The following KCNB2 variants were observed in gnomAD, a reference collection of about 807,000 sequenced individuals.
The protein encoded by KCNB2 is delayed rectifier potassium channel protein.
KCNB2 carries 15 observed loss-of-function variants against 61.5 expected under a neutral mutation model. The observed-to-expected ratio is 0.24, with a 90% confidence interval of 0.16 to 0.38. The LOEUF (loss-of-function observed/expected upper bound fraction) is 0.38. KCNB2 is among the 10% of genes least tolerant of loss of function. The probability of loss-of-function intolerance (pLI) is 1.00; values close to 1 mark genes in which losing one functional copy is unlikely to be tolerated. For missense variants in KCNB2, 828 were observed against 1,125.2 expected, an observed-to-expected ratio of 0.74 and a Z score of 3.78; for synonymous variants, 457 against 446.0, an observed-to-expected ratio of 1.02 and a Z score of -0.31.
chr8:72,860,866 A>G (rs559871089), intron 2 of KCNB2, among the ~76,000 whole-genome samples: 2 of 152,340 alleles, frequency 1.3e-5, no homozygotes, highest in South Asian at 4.1e-4. Flanking sequence ...AAAGTTTCCA[A>G]TTTACACAGA....
intron 2 of KCNB2, among the ~76,000 whole-genome samples, chr8:72,912,695 G>A (rs896664110): frequency 2.0e-4 from 31 of 152,044 alleles, no homozygotes; most frequent in Admixed American, 9.2e-4. Context: ...AAACTGAAGT[G>A]CAAAATGAGT....
chr8:72,560,616 G>A (rs949494651), intron 1 of KCNB2, among the ~76,000 whole-genome samples: 10 of 152,160 alleles, frequency 6.6e-5, no homozygotes, highest in Non-Finnish European at 1.0e-4. Context: ...TTGGACGCCA[G>A]TGTAAAGGGC....
chr8:72,924,816 C>A (rs1428370630), intron 2 of KCNB2, among the ~76,000 whole-genome samples: 1 of 152,142 alleles, frequency 6.6e-6, no homozygotes, highest in Non-Finnish European at 1.5e-5. Flanking sequence ...GGAAGAACAC[C>A]TGTCATGCTT....
At chr8:72,792,450 G>A (rs1563386609) in intron 2 of KCNB2, among the ~76,000 whole-genome samples, 1 of 152,090 alleles carries the variant, frequency 6.6e-6, no homozygotes, top group Non-Finnish European at 1.5e-5. Context: ...GATTTCTCTT[G>A]TTAGGAATAT....
At chr8:72,626,268 G>A (rs7341553) in intron 2 of KCNB2, among the ~76,000 whole-genome samples, 1 of 152,162 alleles carries the variant, frequency 6.6e-6, no homozygotes, top group Admixed American at 6.5e-5. Flanking sequence ...GTCCACCCTA[G>A]GCCCAGTGTC....
At chr8:72,741,372 C>A (rs1807955867) in intron 2 of KCNB2, among the ~76,000 whole-genome samples, 1 of 152,118 alleles carries the variant, frequency 6.6e-6, no homozygotes, top group African/African-American at 2.4e-5. Flanking sequence ...TTCTTTACTG[C>A]CCAGGTAGAA....
intron 2 of KCNB2, among the ~76,000 whole-genome samples, chr8:72,601,275 C>T (rs187203432): frequency 1.1e-3 from 166 of 152,194 alleles, no homozygotes; most frequent in African/African-American, 3.7e-3. Flanking sequence ...TAATAATAAG[C>T]ATTTTTTTCA....
intron 2 of KCNB2, among the ~76,000 whole-genome samples, chr8:72,618,491 TTTAG>T (rs1278498212): frequency 6.6e-6 from 1 of 152,170 alleles, no homozygotes; most frequent in African/African-American, 2.4e-5. Context: ...GTGAAAGAAT[TTTAG>T]TTACTCATTT....
At chr8:72,725,601 A>ATGTATGTGTG (rs1554587084) in intron 2 of KCNB2, among the ~76,000 whole-genome samples, 8 of 100,252 alleles carry the variant, frequency 8.0e-5, no homozygotes, top group Admixed American at 2.4e-4. Flanking sequence ...GTATATATAT[A>ATGTATGTGTG]TATATATATA....
At chr8:72,550,389 A>G (rs1474949170) in intron 1 of KCNB2, among the ~76,000 whole-genome samples, 1 of 152,198 alleles carries the variant, frequency 6.6e-6, no homozygotes, top group African/African-American at 2.4e-5. Flanking sequence ...GAGGTTATGC[A>G]AACTTAGTCC....
intron 1 of KCNB2, among the ~76,000 whole-genome samples, chr8:72,541,339 C>T (rs1172613942): frequency 6.6e-6 from 1 of 152,020 alleles, no homozygotes; most frequent in Non-Finnish European, 1.5e-5. Context: ...ATATTATTTT[C>T]ATTCTTACAA....
chr8:72,645,663 A>G (rs1226030338), intron 2 of KCNB2, among the ~76,000 whole-genome samples: 1 of 152,158 alleles, frequency 6.6e-6, no homozygotes, highest in African/African-American at 2.4e-5. Context: ...CTATCAGCTA[A>G]AGTGCCTGGT....
At chr8:72,804,146 G>T (rs1393449419) in intron 2 of KCNB2, among the ~76,000 whole-genome samples, 1 of 152,138 alleles carries the variant, frequency 6.6e-6, no homozygotes, top group Non-Finnish European at 1.5e-5. Flanking sequence ...AAACAAAAGG[G>T]CAGTTTCTGT....
intron 2 of KCNB2, among the ~76,000 whole-genome samples, chr8:72,607,741 A>G (rs898889861): frequency 6.6e-6 from 1 of 152,174 alleles, no homozygotes; most frequent in Non-Finnish European, 1.5e-5. Context: ...TTTAGAAAAA[A>G]TTTTATTTGT....
chr8:72,671,229 C>T (rs1028824190), intron 2 of KCNB2, among the ~76,000 whole-genome samples: 9 of 152,302 alleles, frequency 5.9e-5, no homozygotes, highest in Middle Eastern at 3.4e-3. Flanking sequence ...AATGCACATT[C>T]CATATTTGTT....
chr8:72,782,291 G>GA (rs1808771937), intron 2 of KCNB2, among the ~76,000 whole-genome samples: 1 of 152,026 alleles, frequency 6.6e-6, no homozygotes, highest in Non-Finnish European at 1.5e-5. Context: ...TAGATATAGG[G>GA]AAAAATTGTA....
intron 2 of KCNB2, among the ~76,000 whole-genome samples, chr8:72,671,150 C>A (rs2919415): frequency 0.12 from 17,677 of 152,108 alleles, 1,497 homozygotes; most frequent in East Asian, 0.51. Context: ...TTTATCTAGC[C>A]TGTTGCCTTC....
At position 72,554,873 on chromosome 8, in the gene KCNB2, C is replaced by T. The variant is rs182853526; in HGVS notation, c.-93-12769C>T. Among the ~76,000 whole-genome samples, 13 of 152,058 alleles carry T rather than the reference C, an allele frequency of 8.5e-5. 1 individual carries two copies. Among genetic ancestry groups the T allele is most frequent in the African/African-American group, 2.2e-4 (9 of 41,500 alleles). ...ATCTCTATCCATAAGAGAATTGTAA[C>T]GTGATAGTAGATGTTATACATGTCA... On this transcript the variant is annotated intron_variant, in intron 1 of 2. Coordinates refer to ENST00000523207, the MANE Select transcript of KCNB2 (RefSeq NM_004770.3).
chr8:72,713,051 C>A (rs1807352519), intron 2 of KCNB2, among the ~76,000 whole-genome samples: 2 of 152,240 alleles, frequency 1.3e-5, no homozygotes, highest in South Asian at 4.1e-4. Context: ...GCCCACGGAG[C>A]CTCACTCGTT....
Sources: allele counts gnomAD v4.1 joint callset (sites outside exome capture counted in the v4.1 genomes callset), GRCh38; gene constraint gnomAD v4.1.1; transcripts MANE v1.5; gene names NCBI Gene and HGNC (gene_info 2026-07-23, HGNC 2026-07-21).